APOBEC3F: variants seen among roughly 807,000 people sequenced by gnomAD.
The protein encoded by APOBEC3F is DNA dC->dU-editing enzyme APOBEC-3F.
In APOBEC3F, 34 loss-of-function variants were observed where a neutral mutation model predicts 45.8. The observed-to-expected ratio is 0.74, with a 90% CI of 0.57 to 0.99. The LOEUF is 0.99. Among genes scored for constraint, APOBEC3F ranks in the 50% least tolerant of loss-of-function variants. The probability of loss-of-function intolerance (pLI) is 0.00; values close to 1 mark genes in which losing one functional copy is unlikely to be tolerated. For missense variants in APOBEC3F, 459 were observed against 474.1 expected, an observed-to-expected ratio of 0.97 and a Z score of 0.30; for synonymous variants, 192 against 174.4, an observed-to-expected ratio of 1.10 and a Z score of -0.80.
At chr22:39,049,314 G>A in intron 4 of APOBEC3F, 111 bp from the exon 5 acceptor site, 2 of 1,313,092 alleles carry the variant, frequency 1.5e-6, no homozygotes, top group Non-Finnish European at 2.1e-6. Context: ...CTTTCTGCCT[G>A]GGAAAGCAGC....
At position 39,055,310 on chromosome 22, in the gene APOBEC3F, G is replaced by A. The variant is rs187603563; in HGVS notation, c.*2615G>A. Among the ~76,000 whole-genome samples the A allele has an allele frequency of 6.6e-5, 10 of 151,800 alleles. No individual in the cohort carries two copies. The highest frequency in any genetic ancestry group is 4.2e-4 in the South Asian group (2 of 4,814). ...TGGTCTTGAACTCATGAGCTCAGGC[G>A]ATCCACTCTCCTCAGCCTCCCAAAG... On this transcript the variant is annotated 3_prime_UTR_variant, in exon 7 of 7. Coordinates refer to ENST00000308521, the MANE Select transcript of APOBEC3F (RefSeq NM_145298.6).
chr22:39,047,550 C>T (rs1199436495), intron 4 of APOBEC3F, among the ~76,000 whole-genome samples: 2 of 152,204 alleles, frequency 1.3e-5, no homozygotes, highest in Non-Finnish European at 2.9e-5. Flanking sequence ...TCTGCTGCCC[C>T]TTCCTGCCTG....
rs896813228 is a variant in APOBEC3F at position 39,048,309 on chromosome 22, G to A, written c.567-1116G>A. On this transcript the variant is annotated intron_variant, in intron 4 of 6. Transcript: ENST00000308521. ...TCTCTGTGCCTCTGGCACCTCGTCT[G>A]TAAAATAGTGATGGCCCCCTGCAGG... is the stretch of plus-strand genomic sequence containing the variant. 9.9e-5 allele frequency among the ~76,000 whole-genome samples: 15 copies of A among 152,164 alleles called. 1 individual carries two copies. The highest frequency in any genetic ancestry group is 2.7e-4 in the African/African-American group (11 of 41,432).
chr22:39,054,697 G>T lies in APOBEC3F; in HGVS notation c.*2002G>T, dbSNP rs559178182. Among the ~76,000 whole-genome samples the T allele has an allele frequency of 6.6e-6, 1 of 152,336 alleles. No homozygotes were observed. The highest frequency in any genetic ancestry group is 1.9e-4 in the East Asian group (1 of 5,188). ...TGAACACCACCCGGACTGCGTGTATGTCCCAAATTACAATTCTTTCTTTGC... is the reference window on the plus strand; with the variant it reads ...TGAACACCACCCGGACTGCGTGTATTTCCCAAATTACAATTCTTTCTTTGC... On this transcript the variant is annotated 3_prime_UTR_variant, in exon 7 of 7. Transcript: ENST00000308521.
intron 4 of APOBEC3F, among the ~76,000 whole-genome samples, chr22:39,046,481 C>A (rs143540299): frequency 6.6e-6 from 1 of 152,216 alleles, no homozygotes; most frequent in Non-Finnish European, 1.5e-5. Flanking sequence ...CTGGGCCCCA[C>A]CCCATGGCTT....
In APOBEC3F at chr22:39,041,596, G is replaced by C. The variant is rs932991859; in HGVS notation, c.17+619G>C. Among the ~76,000 whole-genome samples, 5 of 152,206 alleles carry C rather than the reference G, an allele frequency of 3.3e-5. 1 individual carries two copies. The highest frequency in any genetic ancestry group is 1.2e-4 in the African/African-American group (5 of 41,550). Reference sequence around the variant, plus strand: ...TGGAATATAGTGGCCGGGTGCGGTGGCTCACACCTGTCATCCCAGCACTTT... The same window carrying C: ...TGGAATATAGTGGCCGGGTGCGGTGCCTCACACCTGTCATCCCAGCACTTT... On this transcript the variant is annotated intron_variant, in intron 1 of 6. Coordinates refer to ENST00000308521, the MANE Select transcript of APOBEC3F (RefSeq NM_145298.6).
rs1374136329 is a variant in APOBEC3F at position 39,052,621 on chromosome 22, C to T, written c.1048C>T (p.Pro350Ser). ...AAACTTTGTGTACAATGATGATGAGCCATTCAAGCCTTGGAAAGGACTAAA... is the reference window on the plus strand; with the variant it reads ...AAACTTTGTGTACAATGATGATGAGTCATTCAAGCCTTGGAAAGGACTAAA... ...WENFVYNDDEPFKPWKGLKYN... is the reference protein window; with the variant it reads ...WENFVYNDDESFKPWKGLKYN... Residue 350 changes from proline to serine, a missense_variant, in exon 7 of 7, where the codon CCA (proline) becomes TCA (serine). By Grantham distance (74) the Pro-to-Ser change is moderately conservative (BLOSUM62 -1). Coordinates refer to ENST00000308521, the MANE Select transcript of APOBEC3F (RefSeq NM_145298.6). 2.5e-6 allele frequency: 4 copies of T among 1,613,952 alleles called. No homozygotes were observed. The highest frequency in any genetic ancestry group is 2.5e-6 in the Non-Finnish European group (3 of 1,179,962).
chr22:39,044,361 T>A, intron 2 of APOBEC3F: 1 of 1,397,442 alleles, frequency 7.2e-7, no homozygotes, highest in Non-Finnish European at 9.3e-7. Context: ...CACTTTGTGA[T>A]GATGCTTCAA....
At chr22:39,049,804 ATTC>A (rs1233929820) in intron 5 of APOBEC3F, among the ~76,000 whole-genome samples, 19 of 151,172 alleles carry the variant, frequency 1.3e-4, no homozygotes, top group African/African-American at 4.4e-4. Flanking sequence ...GGTTCAAGCA[ATTC>A]TTCTGTCTCA....
chr22:39,047,480 C>G (rs1347681837), intron 4 of APOBEC3F, among the ~76,000 whole-genome samples: 1 of 152,174 alleles, frequency 6.6e-6, no homozygotes, highest in Non-Finnish European at 1.5e-5. Context: ...ACAAGCCTGC[C>G]AGGGAGGGTG....
chr22:39,052,356 G>A lies in APOBEC3F; in HGVS notation c.1003+3G>A, dbSNP rs781560683. 2 of 1,613,750 alleles carry A rather than the reference G, an allele frequency of 1.2e-6. No individual in the cohort carries two copies. The highest frequency in any genetic ancestry group is 2.2e-5 in the East Asian group (1 of 44,884). ...CGTGGAGATCATGGGCTACAAAGGT[G>A]AGACGTTGGGGGGCTGAGGAGAGTG... On this transcript the variant is annotated splice_donor_region_variant and intron_variant, in intron 6 of 6. Coordinates refer to ENST00000308521, the MANE Select transcript of APOBEC3F (RefSeq NM_145298.6).
intron 4 of APOBEC3F, among the ~76,000 whole-genome samples, chr22:39,046,681 G>A (rs1344481212): frequency 4.6e-5 from 7 of 151,264 alleles, no homozygotes; most frequent in Non-Finnish European, 8.8e-5. Context: ...GCTATGGTGC[G>A]ATCTCGGCTC....
At chr22:39,042,692 C>T (rs1926976374) in intron 1 of APOBEC3F, among the ~76,000 whole-genome samples, 1 of 152,110 alleles carries the variant, frequency 6.6e-6, no homozygotes, top group Admixed American at 6.6e-5. Flanking sequence ...GGAATGTACT[C>T]CTGGAACGAC....
At chr22:39,042,810 A>G (rs1601492510) in intron 1 of APOBEC3F, 127 bp from the exon 2 acceptor site, 1 of 1,427,734 alleles carries the variant, frequency 7.0e-7, no homozygotes, top group South Asian at 1.5e-5. Flanking sequence ...GGAAGCAAAA[A>G]TTCTCAGGGC....
chr22:39,046,814 C>T (rs1295586412), intron 4 of APOBEC3F, among the ~76,000 whole-genome samples: 2 of 151,882 alleles, frequency 1.3e-5, no homozygotes, highest in Admixed American at 6.6e-5. Flanking sequence ...CGGGGTTTTG[C>T]AATGTTGGCC....
chr22:39,047,715 C>A (rs1022506345), intron 4 of APOBEC3F, among the ~76,000 whole-genome samples: 5 of 152,142 alleles, frequency 3.3e-5, no homozygotes, highest in South Asian at 4.1e-4. Context: ...CCATCTCCCC[C>A]ACCTGCCCCA....
In APOBEC3F at chr22:39,052,554, G is replaced by A. The variant is rs771364347; in HGVS notation, c.1004-23G>A. The A allele has an allele frequency of 5.6e-6, 9 of 1,605,806 alleles. No homozygotes were observed. The Admixed American group carries it at 1.3e-4, about 24-fold the overall frequency. The stretch of plus-strand genomic sequence containing the variant: ...GAGAGAAGCCTGCTGGGCCCTCACT[G>A]CTTTCTCCTTGTTTTTTCTCAGATT... On this transcript the variant is annotated intron_variant, in intron 6 of 6. Transcript: ENST00000308521.
rs1454583673 is a variant in APOBEC3F at position 39,052,330 on chromosome 22, C to T, written c.980C>T (p.Ser327Phe). Residue 327 changes from serine to phenylalanine, a missense_variant, in exon 6 of 7, where the codon TCC (serine) becomes TTC (phenylalanine). Ser to Phe is a radical substitution (Grantham distance 155, BLOSUM62 -2). Coordinates refer to ENST00000308521, the MANE Select transcript of APOBEC3F (RefSeq NM_145298.6). ...CGCAGCCTGAGTCAGGAAGGGGCCT[C>T]CGTGGAGATCATGGGCTACAAAGGT... ...GLRSLSQEGASVEIMGYKDFK... is the reference protein window; with the variant it reads ...GLRSLSQEGAFVEIMGYKDFK... 1.9e-6 allele frequency: 3 copies of T among 1,614,058 alleles called. No individual in the cohort carries two copies. Among genetic ancestry groups the T allele is most frequent in the Non-Finnish European group, 2.5e-6 (3 of 1,180,042 alleles).
In APOBEC3F at chr22:39,042,966, C is replaced by T; in HGVS notation, c.47C>T (p.Thr16Ile). The T allele has an allele frequency of 6.2e-7, 1 of 1,614,086 alleles. No homozygotes were observed. The change falls in exon 2 of 7, where the codon ACA (threonine) becomes ATA (isoleucine). Residue 16 changes from threonine (T) to isoleucine (I), a missense_variant. Coordinates refer to ENST00000308521, the MANE Select transcript of APOBEC3F (RefSeq NM_145298.6). ...ACAGTGGAGCGAATGTATCGAGACA[C>T]ATTCTCCTACAACTTTTATAATAGA... is the stretch of plus-strand genomic sequence containing the variant. ...RNTVERMYRDTFSYNFYNRPI... is the reference protein window; with the variant it reads ...RNTVERMYRDIFSYNFYNRPI...
Sources: gnomAD v4.1 joint callset for allele counts (sites outside exome capture counted in the v4.1 genomes callset) on GRCh38, gnomAD v4.1.1 for gene constraint, MANE v1.5 for transcripts, NCBI Gene and HGNC (gene_info 2026-07-23, HGNC 2026-07-21) for gene names.